AHCY: variants seen among roughly 807,000 people sequenced by gnomAD.
The protein encoded by AHCY is adenosylhomocysteinase.
In AHCY, 24 loss-of-function variants were observed where a neutral mutation model predicts 45.4. That is an observed-to-expected ratio of 0.53 (90% CI 0.38 to 0.74). AHCY has a LOEUF of 0.74. Ranked by LOEUF, AHCY falls within the 30% of genes least tolerant of loss-of-function variation. The pLI is 0.00. For synonymous variants in AHCY, 245 were observed against 235.1 expected (o/e 1.04, Z -0.39); for missense variants, 449 against 594.1 (o/e 0.76, Z 2.54).
At chr20:34,234,085 T>C in the AHCY span, among the ~76,000 whole-genome samples, 1 of 152,186 alleles carries the variant, frequency 6.6e-6, no homozygotes, top group African/African-American at 2.4e-5. Flanking sequence ...CCATGTCCAA[T>C]GTTATGATGG....
chr20:34,269,061 A>T, the AHCY span: 1 of 1,597,140 alleles, frequency 6.3e-7, no homozygotes, highest in Non-Finnish European at 8.5e-7. Flanking sequence ...GCCACCCGCA[A>T]CAGCTGCAAG....
intron 8 of AHCY, chr20:34,286,234 T>C: frequency 5.9e-6 from 1 of 169,078 alleles, no homozygotes; most frequent in Admixed American, 5.5e-5. Context: ...GCTAATGTTA[T>C]CGTTATGATC....
At chr20:34,235,879 AAGGAAGGAAGGAAGGAAGGAAAGG>A in the AHCY span, among the ~76,000 whole-genome samples, 11 of 97,894 alleles carry the variant, frequency 1.1e-4, 1 homozygote, top group African/African-American at 5.8e-4. Context: ...GGAAGGAAGG[AAGGAAGGAAGGAAGGAAGGAAAGG>A]AAGGAAGGAA....
intron 5 of AHCY, 141 bp downstream of exon 5, chr20:34,291,278 T>A: frequency 1.2e-6 from 1 of 810,304 alleles, no homozygotes; most frequent in Non-Finnish European, 2.1e-6. Context: ...AACGCACTCA[T>A]TAGCCTGTCT....
At chr20:34,272,410 C>T in the AHCY span, among the ~76,000 whole-genome samples, 1 of 152,212 alleles carries the variant, frequency 6.6e-6, no homozygotes, top group Non-Finnish European at 1.5e-5. Context: ...CAATTCAATT[C>T]CAACACTATC....
upstream of AHCY, among the ~76,000 whole-genome samples, chr20:34,306,982 G>T (rs967693762): frequency 6.6e-6 from 1 of 152,174 alleles, no homozygotes; most frequent in Admixed American, 6.5e-5. Flanking sequence ...GTGATGGAAT[G>T]TTCTGGATCT....
At chr20:34,309,688 G>A (rs1435873773) in intron 1 of AHCY, among the ~76,000 whole-genome samples, 1 of 152,160 alleles carries the variant, frequency 6.6e-6, no homozygotes, top group Non-Finnish European at 1.5e-5. Flanking sequence ...GGCTGAGGCA[G>A]GAGAATCGCT....
the AHCY span, among the ~76,000 whole-genome samples, chr20:34,237,830 C>A: frequency 6.6e-6 from 1 of 152,030 alleles, no homozygotes; most frequent in Non-Finnish European, 1.5e-5. Flanking sequence ...TCCTCCTATT[C>A]CTAGTTTGTG....
rs373735269 is a variant in AHCY at position 34,283,387 on chromosome 20, CAG to C, written c.1167+2051_1167+2052del. ...GGCTGTTACAAAGATCAGTGCTACT[CAG>C]AGTCATTCGTGCAGTAGGTGACTTA... On this transcript the variant is annotated intron_variant, in intron 9 of 9. Transcript: ENST00000217426. 3.6e-3 allele frequency among the ~76,000 whole-genome samples: 552 copies of C among 152,302 alleles called. 4 individuals carry two copies. Among genetic ancestry groups the C allele is most frequent in the African/African-American group, 0.013 (535 of 41,560 alleles).
At chr20:34,269,434 A>C in the AHCY span, 1 of 447,334 alleles carries the variant, frequency 2.2e-6, no homozygotes, top group Non-Finnish European at 3.9e-6. Context: ...GGCTCAGGAA[A>C]CCCGGGCGTC....
chr20:34,299,172 C>T (rs1378014930), intron 1 of AHCY, among the ~76,000 whole-genome samples: 1 of 152,150 alleles, frequency 6.6e-6, no homozygotes, highest in East Asian at 1.9e-4. Flanking sequence ...GAGAGACCCA[C>T]CGACCCTATG....
intron 5 of AHCY, 150 bp from the exon 6 acceptor site, chr20:34,291,088 C>T (rs746973801): frequency 4.1e-6 from 3 of 734,572 alleles, no homozygotes; most frequent in Non-Finnish European, 6.8e-6. Context: ...CCAATGCCCC[C>T]ACAAGCCCTT....
intron 3 of AHCY, 60 bp from the exon 4 acceptor site, chr20:34,292,567 C>G: frequency 6.2e-7 from 1 of 1,611,170 alleles, no homozygotes; most frequent in South Asian, 1.1e-5. Flanking sequence ...CTCCAGGGAA[C>G]AACTCTGGCA....
At chr20:34,284,111 T>C (rs953850061) in intron 9 of AHCY, among the ~76,000 whole-genome samples, 21 of 152,082 alleles carry the variant, frequency 1.4e-4, no homozygotes, top group African/African-American at 4.8e-4. Context: ...GAGGACTTCA[T>C]CTTCATGAGT....
the AHCY span, among the ~76,000 whole-genome samples, chr20:34,257,165 C>A: frequency 1.5e-4 from 22 of 151,594 alleles, no homozygotes; most frequent in African/African-American, 5.3e-4. Flanking sequence ...CTCACTGCAA[C>A]TTCCTCCCCC....
intron 1 of AHCY, among the ~76,000 whole-genome samples, chr20:34,296,658 T>A (rs2036587397): frequency 6.6e-6 from 1 of 152,106 alleles, no homozygotes; most frequent in Admixed American, 6.5e-5. Flanking sequence ...AGGTCAAAGT[T>A]TGCAGACTTC....
chr20:34,294,056 C>A (rs375955292), intron 3 of AHCY, 25 bp downstream of exon 3: 1 of 1,611,676 alleles, frequency 6.2e-7, no homozygotes, highest in East Asian at 2.2e-5. Flanking sequence ...ACAAATTCCA[C>A]GTCTCAGAAG....
At position 34,291,578 on chromosome 20, in the gene AHCY, C is replaced by T. The variant is rs373436617; in HGVS notation, c.446-47G>A. ...AAGCCTCAGAGATGCCACACCTGTG[C>T]TCATGCAAATTCCTCATCTTTACCC... On this transcript the variant is annotated intron_variant, in intron 4 of 9. Transcript: ENST00000217426. 1.2e-5 allele frequency: 18 copies of T among 1,530,194 alleles called. 1 individual carries two copies. In the African/African-American group the frequency reaches 2.3e-4, roughly 20 times the overall value. The allele number at this position is 1,530,194 out of a possible 1,614,324, so 94.8% of individuals were successfully genotyped here. A position where few individuals can be genotyped will look rare whatever the true frequency, so the allele number is the denominator to read the frequency against.
the AHCY span, chr20:34,246,062 C>T: frequency 2.2e-6 from 2 of 894,028 alleles, no homozygotes; most frequent in Non-Finnish European, 3.7e-6. Flanking sequence ...ATAATTTCAT[C>T]CTCCCCATTA....
Sources: allele counts gnomAD v4.1 joint callset (sites outside exome capture counted in the v4.1 genomes callset), GRCh38; gene constraint gnomAD v4.1.1; transcripts MANE v1.5; gene names NCBI Gene and HGNC (gene_info 2026-07-23, HGNC 2026-07-21).